GPC5: variants seen among roughly 807,000 people sequenced by gnomAD.
GPC5 encodes the protein glypican-5.
In GPC5, 47 loss-of-function variants were observed where a neutral mutation model predicts 53.9. The observed-to-expected ratio is 0.87, with a 90% CI of 0.69 to 1.11. GPC5 has a LOEUF of 1.11. Ranked by LOEUF, GPC5 falls within the 50% of genes most tolerant of loss-of-function variation. The probability of loss-of-function intolerance (pLI) is 0.00; values close to 1 mark genes in which losing one functional copy is unlikely to be tolerated. For synonymous variants in GPC5, 286 were observed against 263.3 expected, an observed-to-expected ratio of 1.09 and a Z score of -0.84; for missense variants, 748 against 713.1, an observed-to-expected ratio of 1.05 and a Z score of -0.56.
intron 6 of GPC5, among the ~76,000 whole-genome samples, chr13:92,104,839 G>C (rs1184836780): frequency 6.6e-6 from 1 of 152,148 alleles, no homozygotes; most frequent in South Asian, 2.1e-4. Flanking sequence ...TGGGGTGACA[G>C]GTATAACATG....
intron 7 of GPC5, among the ~76,000 whole-genome samples, chr13:92,192,325 C>T (rs1435129517): frequency 3.3e-5 from 5 of 152,042 alleles, no homozygotes; most frequent in East Asian, 1.9e-4. Context: ...GGAAGGTGTG[C>T]GAGTGGGGTT....
chr13:91,525,168 G>C (rs1316266741), intron 2 of GPC5, among the ~76,000 whole-genome samples: 1 of 152,082 alleles, frequency 6.6e-6, no homozygotes, highest in Non-Finnish European at 1.5e-5. Flanking sequence ...CTTGGAAATA[G>C]AAAGTCCATA....
chr13:91,665,503 G>GTCTTTTTTTTTTTTT (rs747023960), intron 2 of GPC5, among the ~76,000 whole-genome samples: 7 of 114,936 alleles, frequency 6.1e-5, no homozygotes, highest in African/African-American at 2.9e-4. Context: ...GGAAAAGCCA[G>GTCTTTTTTTTTTTTT]TCTTTTTTTT....
At chr13:92,492,507 AAAGAG>A (rs1325749076) in intron 7 of GPC5, among the ~76,000 whole-genome samples, 4 of 152,118 alleles carry the variant, frequency 2.6e-5, no homozygotes, top group Non-Finnish European at 4.4e-5. Flanking sequence ...ATATATAAAA[AAAGAG>A]AAAATACAGA....
At chr13:92,623,502 T>C (rs1156749204) in intron 7 of GPC5, among the ~76,000 whole-genome samples, 1 of 152,208 alleles carries the variant, frequency 6.6e-6, no homozygotes, top group African/African-American at 2.4e-5. Context: ...TCAAAAGTGA[T>C]TTTTAGATAA....
At chr13:92,741,990 G>T (rs1889110662) in intron 7 of GPC5, among the ~76,000 whole-genome samples, 1 of 151,986 alleles carries the variant, frequency 6.6e-6, no homozygotes, top group African/African-American at 2.4e-5. Flanking sequence ...ATCATTGTTG[G>T]ACATTTGGGT....
At chr13:92,699,081 A>C (rs1233935578) in intron 7 of GPC5, among the ~76,000 whole-genome samples, 1 of 152,050 alleles carries the variant, frequency 6.6e-6, no homozygotes, top group Admixed American at 6.6e-5. Flanking sequence ...TTGGTAGGCT[A>C]TTAATTGCTG....
rs1025390963 is a variant in GPC5 at position 91,595,274 on chromosome 13, A to G, written c.326-97913A>G. The stretch of plus-strand genomic sequence containing the variant: ...TGTGATCCACCTGCCTCGGCCTTCC[A>G]AAGTGCTGGGACTACAGGCGTGAGG... On this transcript the variant is annotated intron_variant, in intron 2 of 7. Transcript: ENST00000377067. Among the ~76,000 whole-genome samples the G allele has an allele frequency of 2.0e-5, 3 of 152,026 alleles. 1 individual carries two copies. The highest frequency in any genetic ancestry group is 2.0e-4 in the Admixed American group (3 of 15,252).
chr13:92,360,467 C>T (rs568024793), intron 7 of GPC5, among the ~76,000 whole-genome samples: 2 of 151,532 alleles, frequency 1.3e-5, no homozygotes, highest in East Asian at 3.9e-4. Context: ...ACATATTAAG[C>T]AAACATACCT....
At chr13:91,864,060 T>A (rs893890325) in intron 5 of GPC5, among the ~76,000 whole-genome samples, 1 of 152,226 alleles carries the variant, frequency 6.6e-6, no homozygotes, top group Non-Finnish European at 1.5e-5. Flanking sequence ...ATTTGGTTCA[T>A]TCTTATTACA....
intron 7 of GPC5, among the ~76,000 whole-genome samples, chr13:92,414,086 T>C (rs1271645449): frequency 2.0e-5 from 3 of 152,198 alleles, no homozygotes; most frequent in African/African-American, 4.8e-5. Flanking sequence ...GAGTGCTTTT[T>C]ATTAGGTCAG....
At chr13:92,309,596 C>G (rs2043132861) in intron 7 of GPC5, among the ~76,000 whole-genome samples, 1 of 151,718 alleles carries the variant, frequency 6.6e-6, no homozygotes, top group African/African-American at 2.4e-5. Flanking sequence ...TTTATTTTTT[C>G]TACTTTATTG....
intron 5 of GPC5, among the ~76,000 whole-genome samples, chr13:91,808,527 A>G (rs1308110703): frequency 2.0e-5 from 3 of 152,058 alleles, no homozygotes; most frequent in Non-Finnish European, 4.4e-5. Flanking sequence ...GCTCTTTACT[A>G]TCTGGGTTGT....
intron 7 of GPC5, among the ~76,000 whole-genome samples, chr13:92,426,047 T>C (rs1876817976): frequency 6.6e-6 from 1 of 152,102 alleles, no homozygotes; most frequent in South Asian, 2.1e-4. Context: ...GTTAAAACAA[T>C]ACAACACCGA....
At chr13:91,685,175 C>T (rs1326783822) in intron 2 of GPC5, among the ~76,000 whole-genome samples, 6 of 152,044 alleles carry the variant, frequency 3.9e-5, no homozygotes, top group Non-Finnish European at 8.8e-5. Context: ...GGTGGTGGCG[C>T]TTGTCTGTGG....
chr13:92,326,189 C>G lies in GPC5; in HGVS notation c.1561+181200C>G, dbSNP rs73629674. Among the ~76,000 whole-genome samples, 1,513 of 152,096 alleles carry G rather than the reference C, an allele frequency of 9.9e-3. 18 individuals carry two copies. The highest frequency in any genetic ancestry group is 0.034 in the African/African-American group (1,413 of 41,514). Reference sequence around the variant, plus strand: ...GCTGTTTATGAAAAGAAAATGAAAACAAAAGTCAGATTTCTGATGTTCTCA... The same window carrying G: ...GCTGTTTATGAAAAGAAAATGAAAAGAAAAGTCAGATTTCTGATGTTCTCA... On this transcript the variant is annotated intron_variant, in intron 7 of 7. Coordinates refer to ENST00000377067, the MANE Select transcript of GPC5 (RefSeq NM_004466.6).
At chr13:92,307,444 ACT>A (rs1359096915) in intron 7 of GPC5, among the ~76,000 whole-genome samples, 1 of 152,112 alleles carries the variant, frequency 6.6e-6, no homozygotes, top group African/African-American at 2.4e-5. Context: ...ATAGTTGGAG[ACT>A]CTGTCTCAAA....
intron 5 of GPC5, among the ~76,000 whole-genome samples, chr13:91,831,076 T>TATATATAATAATATATATCCTATTATA (rs1491310617): frequency 2.2e-4 from 31 of 140,458 alleles, no homozygotes; most frequent in Admixed American, 3.1e-4. Flanking sequence ...ATCCTATTAT[T>TATATATAATAATATATATCCTATTATA]ATATATAATA....
intron 7 of GPC5, among the ~76,000 whole-genome samples, chr13:92,623,101 G>A (rs948070985): frequency 3.9e-5 from 6 of 152,000 alleles, no homozygotes; most frequent in African/African-American, 1.2e-4. Flanking sequence ...GGGAGGCGGG[G>A]GTTGCAGTGA....
Sources: allele counts gnomAD v4.1 joint callset (sites outside exome capture counted in the v4.1 genomes callset), GRCh38; gene constraint gnomAD v4.1.1; transcripts MANE v1.5; gene names NCBI Gene and HGNC (gene_info 2026-07-23, HGNC 2026-07-21).